Variants in RDX observed in about 807,000 individuals in gnomAD.
The protein encoded by RDX is deafness, autosomal recessive 24.
Under a neutral mutation model 83.7 loss-of-function variants are expected in RDX, and 32 were observed. That is an observed-to-expected ratio of 0.38 (90% confidence interval 0.29 to 0.51). RDX has a LOEUF of 0.51. RDX is among the 20% of genes least tolerant of loss of function. The pLI is 0.87. For synonymous variants in RDX, 229 were observed against 222.7 expected (o/e 1.03, Z -0.25); for missense variants, 600 against 689.9 (o/e 0.87, Z 1.46).
chr11:110,221,867 T>G (rs961040487), intron 14 of RDX, among the ~76,000 whole-genome samples: 2 of 152,072 alleles, frequency 1.3e-5, no homozygotes, highest in Non-Finnish European at 2.9e-5. Context: ...TCAATTTGAG[T>G]CCAGGACTCA....
intron 15 of RDX, among the ~76,000 whole-genome samples, chr11:110,180,156 C>T (rs1862856775): frequency 6.6e-6 from 1 of 152,058 alleles, no homozygotes; most frequent in South Asian, 2.1e-4. Flanking sequence ...CCTGCCTTGG[C>T]CTCCCAAAGT....
Position 110,232,033 on chromosome 11 carries a change from C to A in RDX, c.1588G>T (p.Ala530Ser). 1 of 1,608,854 alleles carries A rather than the reference C, an allele frequency of 6.2e-7. No individual in the cohort carries two copies. The highest frequency in any genetic ancestry group is 8.5e-7 in the Non-Finnish European group (1 of 1,176,162). Reference protein sequence around the residue: ...KNERVKKQLQALSSELAQARD... With the variant: ...KNERVKKQLQSLSSELAQARD... Reference sequence around the variant, plus strand: ...GCTTGGGCTAATTCTGAACTTAATGCCTATTTAAAAAATAAAAAGTACAAC... The same window carrying A: ...GCTTGGGCTAATTCTGAACTTAATGACTATTTAAAAAATAAAAAGTACAAC... The change falls in exon 14 of 14, where the codon GCA becomes TCA. Residue 530 changes from alanine (A) to serine (S), a missense_variant and splice_region_variant. By Grantham distance (99) the Ala-to-Ser change is moderately conservative (BLOSUM62 1). Coordinates refer to ENST00000645495, the MANE Select transcript of RDX (RefSeq NM_002906.4).
chr11:110,236,341 G>C (rs1299896842), intron 11 of RDX, 150 bp from the exon 12 acceptor site: 1 of 629,904 alleles, frequency 1.6e-6, no homozygotes, highest in African/African-American at 1.8e-5. Context: ...ATCTTAAATA[G>C]CTTATTTACA....
chr11:110,236,352 A>G (rs938850632), intron 11 of RDX, 161 bp from the exon 12 acceptor site: 6 of 613,218 alleles, frequency 9.8e-6, no homozygotes, highest in Admixed American at 2.8e-5. Context: ...CTTATTTACA[A>G]TAAGTCCTTT....
chr11:110,245,596 T>A (rs1442532262), intron 10 of RDX, among the ~76,000 whole-genome samples: 1 of 152,224 alleles, frequency 6.6e-6, no homozygotes, highest in Non-Finnish European at 1.5e-5. Flanking sequence ...TTTAAAATTG[T>A]AAACAATATA....
rs1366405815 is a variant in RDX, at chr11:110,237,263, AT to A, written c.1251+228del. On this transcript the variant is annotated intron_variant, in intron 11 of 13. Transcript: ENST00000645495. ...GAACCTTTTGCTGACAGTAGACTCC[AT>A]TTACAAATAATCTATAGAAAAATGC... Among the ~76,000 whole-genome samples, 9 of 152,116 alleles carry A rather than the reference AT, an allele frequency of 5.9e-5. No individual in the cohort carries two copies. The East Asian group carries it at 1.5e-3, about 26-fold the overall frequency.
intron 14 of RDX, among the ~76,000 whole-genome samples, chr11:110,215,049 A>AAATATATATATATATATAT (rs1355797892): frequency 2.1e-5 from 2 of 97,270 alleles, no homozygotes; most frequent in African/African-American, 7.3e-5. Context: ...AAAAAAAAAA[A>AAATATATATATATATATAT]ATATATATAT....
At chr11:110,287,902 A>T (rs1374973010) in intron 1 of RDX, among the ~76,000 whole-genome samples, 2 of 152,226 alleles carry the variant, frequency 1.3e-5, no homozygotes, top group Non-Finnish European at 2.9e-5. Flanking sequence ...TCTTTTGATT[A>T]TCTTATTCTA....
intron 10 of RDX, 73 bp from the exon 11 acceptor site, chr11:110,237,725 G>C (rs1864918867): frequency 6.7e-7 from 1 of 1,503,338 alleles, no homozygotes. Context: ...AGCTAAAATA[G>C]TAGCAAGAAA....
At chr11:110,289,775 C>A (rs936210847) in intron 1 of RDX, among the ~76,000 whole-genome samples, 15 of 151,478 alleles carry the variant, frequency 9.9e-5, no homozygotes, top group African/African-American at 3.6e-4. Flanking sequence ...AAATTAGTCC[C>A]GTCTCTACTA....
intron 1 of RDX, among the ~76,000 whole-genome samples, chr11:110,291,975 G>T (rs577007715): frequency 1.3e-5 from 2 of 151,990 alleles, no homozygotes. Flanking sequence ...GGGATACCCC[G>T]TATCTACAAA....
chr11:110,291,772 GAGA>G (rs1186950045), intron 1 of RDX, among the ~76,000 whole-genome samples: 2 of 152,204 alleles, frequency 1.3e-5, no homozygotes, highest in South Asian at 2.1e-4. Flanking sequence ...GAGTTGGAAA[GAGA>G]AGGAGTCCTT....
intron 3 of RDX, among the ~76,000 whole-genome samples, chr11:110,268,311 GGAAAA>G (rs895114004): frequency 7.6e-6 from 1 of 131,774 alleles, no homozygotes; most frequent in Admixed American, 7.6e-5. Flanking sequence ...TCTGTTTCGG[GGAAAA>G]AAAAAAAAAA....
intron 14 of RDX, among the ~76,000 whole-genome samples, chr11:110,204,609 C>T (rs547970100): frequency 3.3e-5 from 5 of 149,504 alleles, no homozygotes; most frequent in South Asian, 4.2e-4. Context: ...TTCCGCCTCC[C>T]GGGTTCAAGC....
intron 15 of RDX, among the ~76,000 whole-genome samples, chr11:110,181,389 C>G (rs958592985): frequency 6.6e-6 from 1 of 152,144 alleles, no homozygotes; most frequent in African/African-American, 2.4e-5. Context: ...GTCTTGATCT[C>G]CTGACCTCAT....
intron 1 of RDX, among the ~76,000 whole-genome samples, chr11:110,288,744 TACAATGCCTGGTTC>T (rs1317643843): frequency 7.9e-5 from 12 of 152,232 alleles, no homozygotes; most frequent in Non-Finnish European, 2.9e-5. Context: ...GAAAAACTGA[TACAATGCCTGGTTC>T]ACAGTTGGGC....
At chr11:110,211,675 G>C (rs1863843716) in intron 14 of RDX, among the ~76,000 whole-genome samples, 1 of 142,382 alleles carries the variant, frequency 7.0e-6, no homozygotes, top group Admixed American at 7.1e-5. Context: ...TCAGGATTAA[G>C]AATCTCACTC....
At chr11:110,217,662 T>C (rs764272358) in intron 14 of RDX, among the ~76,000 whole-genome samples, 3 of 152,172 alleles carry the variant, frequency 2.0e-5, no homozygotes, top group South Asian at 2.1e-4. Context: ...GCATGATAGA[T>C]TCTGAAACTC....
At chr11:110,255,873 T>C (rs1859524130) in intron 7 of RDX, among the ~76,000 whole-genome samples, 1 of 152,196 alleles carries the variant, frequency 6.6e-6, no homozygotes, top group East Asian at 1.9e-4. Flanking sequence ...TTCACGAATA[T>C]ACTAAAAATA....
Sources: gnomAD v4.1 joint callset for allele counts (sites outside exome capture counted in the v4.1 genomes callset) on GRCh38, gnomAD v4.1.1 for gene constraint, MANE v1.5 for transcripts, NCBI Gene and HGNC (gene_info 2026-07-23, HGNC 2026-07-21) for gene names.